AP3D1: variants seen among roughly 807,000 people sequenced by gnomAD.
AP3D1 encodes the protein adaptor related protein complex 3 subunit delta 1, also known as AP-3 complex subunit delta-1.
A neutral mutation model predicts 147.6 loss-of-function variants in AP3D1; 51 were observed. That is an observed-to-expected ratio of 0.35 (90% CI 0.28 to 0.44). The LOEUF (loss-of-function observed/expected upper bound fraction) is 0.44. AP3D1 is among the 20% of genes least tolerant of loss of function. The pLI, the probability that AP3D1 is intolerant of heterozygous loss-of-function variation, is 1.00. For synonymous variants in AP3D1, 760 were observed against 663.0 expected (o/e 1.15, Z -2.25); for missense variants, 1,421 against 1,624.2 (o/e 0.87, Z 2.15).
At position 2,110,144 on chromosome 19, in the gene AP3D1, T is replaced by C. The variant is rs762759003; in HGVS notation, c.3256A>G (p.Ile1086Val). The C allele has an allele frequency of 1.9e-6, 3 of 1,612,854 alleles. No individual in the cohort carries two copies. Among genetic ancestry groups the C allele is most frequent in the Non-Finnish European group, 8.5e-7 (1 of 1,179,792 alleles). The stretch of plus-strand genomic sequence containing the variant: ...AGTGGAGCCCTGCATACCTTGGCAA[T>C]GAAGGACAGGGTCCCCTTGAGCTTC... ...AQKLKGTLSF[I>V]AKNDEGATHE... The change falls in exon 28 of 32, where the codon ATT (isoleucine) becomes GTT (valine). Residue 1086 changes from isoleucine (I) to valine (V), a missense_variant. By Grantham distance (29) the Ile-to-Val change is conservative. Coordinates refer to ENST00000643116, the MANE Select transcript of AP3D1 (RefSeq NM_001261826.3).
chr19:2,117,319 T>A lies in AP3D1; in HGVS notation c.1762A>T (p.Lys588Ter). Residue 588 changes from lysine (K) to a stop codon, truncating the protein, a stop_gained, in exon 16 of 32, where the codon AAG (lysine) becomes TAG (stop). Coordinates refer to ENST00000643116, the MANE Select transcript of AP3D1 (RefSeq NM_001261826.3). LOFTEE classifies it high-confidence loss of function. ...ACCTCCTCTGCCACAGGCACGTCCTTGGCCTGAAGCTTCTGGATGTGCTTG... is the reference window on the plus strand; with the variant it reads ...ACCTCCTCTGCCACAGGCACGTCCTAGGCCTGAAGCTTCTGGATGTGCTTG... ...LVKHIQKLQAKDVPVAEEVSA... is the reference protein window; with the variant it reads ...LVKHIQKLQA 1 of 1,612,522 alleles carries A rather than the reference T, an allele frequency of 6.2e-7. No homozygotes were observed.
chr19:2,164,274 C>T, intron 1 of AP3D1: 1 of 1,261,432 alleles, frequency 7.9e-7, no homozygotes, highest in Non-Finnish European at 1.0e-6. Context: ...ACGTGAGTGC[C>T]GCCCTCCACC....
In AP3D1 at chr19:2,118,832, C is replaced by G. The variant is rs537818530; in HGVS notation, c.1482G>C (p.Glu494Asp). 1.9e-6 allele frequency: 3 copies of G among 1,612,474 alleles called. No individual in the cohort carries two copies. Among genetic ancestry groups the G allele is most frequent in the Non-Finnish European group, 2.5e-6 (3 of 1,179,482 alleles). The change falls in exon 15 of 32, where the codon GAG becomes GAC. Residue 494 changes from glutamate to aspartate, a missense_variant and splice_region_variant. Coordinates refer to ENST00000643116, the MANE Select transcript of AP3D1 (RefSeq NM_001261826.3). ...AAGTGTGGTGTGGTTCCTGCAGATG[C>G]CTGAGGACAGGAAACACTGTGAGCC... ...AAAWICGEFS[E>D]HLQEPHHTLE...
In AP3D1 at chr19:2,129,095, G is replaced by A; in HGVS notation, c.801C>T (p.Ile267=). The A allele has an allele frequency of 6.3e-7, 1 of 1,585,988 alleles. No homozygotes were observed. The highest frequency in any genetic ancestry group is 8.6e-7 in the Non-Finnish European group (1 of 1,167,052). The part of the protein sequence containing the change: ...KKLIEPLTNL[I]HSTSAMSLLY... The stretch of plus-strand genomic sequence containing the variant: ...CGCGCATGGCCTGCACTCACCTGTG[G>A]ATGAGATTGGTGAGGGGCTCGATCA... The change falls in exon 8 of 32, where the codon ATC becomes ATT. Residue 267 remains isoleucine (I), a synonymous_variant. Coordinates refer to ENST00000643116, the MANE Select transcript of AP3D1 (RefSeq NM_001261826.3).
chr19:2,117,381 A>C lies in AP3D1; in HGVS notation c.1714-14T>G, dbSNP rs2018487590. On this transcript the variant is annotated splice_polypyrimidine_tract_variant and intron_variant, in intron 15 of 31. Transcript: ENST00000643116. ...GATGCAGGACGCCTGTGGGGGACAC[A>C]GGGGTCACTGCTGGCACCTGCCCGG... 6.3e-7 allele frequency: 1 copy of C among 1,581,410 alleles called. No individual in the cohort carries two copies.
At chr19:2,121,456 C>T in intron 12 of AP3D1, 145 bp from the exon 13 acceptor site, 1 of 1,172,086 alleles carries the variant, frequency 8.5e-7, no homozygotes, top group Middle Eastern at 2.7e-4. Flanking sequence ...GGCAGCAGGC[C>T]CCTGCGATGT....
chr19:2,148,158 A>G (rs908045192), intron 1 of AP3D1, among the ~76,000 whole-genome samples: 8 of 151,908 alleles, frequency 5.3e-5, no homozygotes, highest in African/African-American at 1.9e-4. Context: ...AAAAAAAAAA[A>G]AAAAAGAAAA....
chr19:2,130,616 A>G (rs1399053533), intron 5 of AP3D1, 79 bp from the exon 6 acceptor site: 1 of 1,584,224 alleles, frequency 6.3e-7, no homozygotes, highest in African/African-American at 1.3e-5. Context: ...CGCCTCCTCC[A>G]CAGAGAGGAG....
intron 1 of AP3D1, 120 bp from the exon 2 acceptor site, chr19:2,138,834 G>A (rs1450195697): frequency 2.9e-6 from 2 of 688,936 alleles, no homozygotes; most frequent in East Asian, 2.8e-5. Context: ...GGCCGAGGCA[G>A]GCAGATCACG....
At chr19:2,135,180 G>A (rs10422742) in intron 4 of AP3D1, among the ~76,000 whole-genome samples, 1,522 of 151,078 alleles carry the variant, frequency 0.01, 27 homozygotes, top group African/African-American at 0.035. Flanking sequence ...CAGCCTGGAC[G>A]ACAGAGCAAG....
chr19:2,128,309 A>G (rs911559471), intron 8 of AP3D1, among the ~76,000 whole-genome samples: 3 of 151,856 alleles, frequency 2.0e-5, no homozygotes, highest in African/African-American at 7.3e-5. Flanking sequence ...AACGTCTCTA[A>G]GCAGCATGGA....
Position 2,151,405 on chromosome 19 carries a change from CCTGCCGCCCGCGGAGCGCCGCG to C in AP3D1, c.-93_-72del. 3.1e-5 allele frequency: 32 copies of C among 1,046,746 alleles called. No homozygotes were observed. The highest frequency in any genetic ancestry group is 8.5e-5 in the South Asian group (2 of 23,600). 64.8% of individuals were successfully genotyped at this position (1,046,746 alleles called of 1,614,324 possible). A position where few individuals can be genotyped will look rare whatever the true frequency, so the allele number is the denominator to read the frequency against. On this transcript the variant is annotated 5_prime_UTR_variant, in exon 1 of 32. Coordinates refer to ENST00000643116, the MANE Select transcript of AP3D1 (RefSeq NM_001261826.3). ...GCCGTGAGGGGGCCCGGGGCCCGTGCCTGCCGCCCGCGGAGCGCCGCGCTGCCGGCCGCTGCGGCGGGGCAAG... is the reference window on the plus strand; with the variant it reads ...GCCGTGAGGGGGCCCGGGGCCCGTGCCTGCCGGCCGCTGCGGCGGGGCAAG...
chr19:2,138,479 G>C (rs762053662), intron 2 of AP3D1, 140 bp downstream of exon 2: 22 of 690,852 alleles, frequency 3.2e-5, no homozygotes, highest in Non-Finnish European at 5.4e-5. Context: ...CCAGGACTCT[G>C]GGTTGGCCCT....
intron 1 of AP3D1, among the ~76,000 whole-genome samples, chr19:2,149,549 A>AG (rs2019451109): frequency 6.6e-6 from 1 of 151,656 alleles, no homozygotes; most frequent in Non-Finnish European, 1.5e-5. Context: ...GTCTCAAAAA[A>AG]AAAAAAAAAA....
intron 1 of AP3D1, among the ~76,000 whole-genome samples, chr19:2,159,547 C>T (rs1377737460): frequency 2.0e-5 from 3 of 151,488 alleles, no homozygotes; most frequent in South Asian, 2.1e-4. Context: ...CGCCACAGCT[C>T]CCGGCTAATT....
At position 2,109,972 on chromosome 19, in the gene AP3D1, A is replaced by T; in HGVS notation, c.3265-14T>A. 6.2e-7 allele frequency: 1 copy of T among 1,613,070 alleles called. No homozygotes were observed. ...ACCCTCGTCATTCTGCGGTGGAGTG[A>T]AGGTGGTGCAGTTGAGAGGGGAGTC... On this transcript the variant is annotated splice_polypyrimidine_tract_variant and intron_variant, in intron 28 of 31. Coordinates refer to ENST00000643116, the MANE Select transcript of AP3D1 (RefSeq NM_001261826.3).
rs376618271 is a variant in AP3D1 at position 2,111,272 on chromosome 19, G to C, written c.2985+13C>G. ...GCTGGCCCACCCTGCCCCTGGGAGCGGCTGCCACTCACCATTTTAACATAG... is the reference window on the plus strand; with the variant it reads ...GCTGGCCCACCCTGCCCCTGGGAGCCGCTGCCACTCACCATTTTAACATAG... On this transcript the variant is annotated intron_variant, in intron 26 of 31. Coordinates refer to ENST00000643116, the MANE Select transcript of AP3D1 (RefSeq NM_001261826.3). 1.2e-6 allele frequency: 2 copies of C among 1,613,844 alleles called. No individual in the cohort carries two copies. Among genetic ancestry groups the C allele is most frequent in the South Asian group, 2.2e-5 (2 of 91,078 alleles).
At chr19:2,112,153 G>C (rs890658396) in intron 24 of AP3D1, 1 of 403,492 alleles carries the variant, frequency 2.5e-6, no homozygotes, top group Non-Finnish European at 4.6e-6. Context: ...CATCCGAGAG[G>C]GAACACACAC....
Position 2,127,611 on chromosome 19 carries a change from G to A in AP3D1, c.807-410C>T, listed in dbSNP as rs560345105. Reference sequence around the variant, plus strand: ...GCGGCCTCGGCTCACTGCGACCTCCGCCTCTCAGGTTCAAGCGGTTCTCCT... The same window carrying A: ...GCGGCCTCGGCTCACTGCGACCTCCACCTCTCAGGTTCAAGCGGTTCTCCT... On this transcript the variant is annotated intron_variant, in intron 8 of 31. Transcript: ENST00000643116. 9.2e-5 allele frequency among the ~76,000 whole-genome samples: 14 copies of A among 152,284 alleles called. No individual in the cohort carries two copies. In the South Asian group the frequency reaches 1.2e-3, roughly 14 times the overall value.
Sources: allele counts gnomAD v4.1 joint callset (sites outside exome capture counted in the v4.1 genomes callset), GRCh38; gene constraint gnomAD v4.1.1; transcripts MANE v1.5; gene names NCBI Gene and HGNC (gene_info 2026-07-23, HGNC 2026-07-21).